Variants in PTPRD observed in about 807,000 individuals in gnomAD.
PTPRD encodes protein tyrosine phosphatase receptor type D, also known as receptor-type tyrosine-protein phosphatase delta.
A neutral mutation model predicts 214.5 loss-of-function variants in PTPRD; 34 were observed. That is an observed-to-expected ratio of 0.16 (90% CI 0.12 to 0.21). The LOEUF is 0.21. Ranked by LOEUF, PTPRD falls within the 10% of genes least tolerant of loss-of-function variation. The pLI is 1.00. For missense variants in PTPRD, 2,545 were observed against 2,398.7 expected (o/e 1.06, Z -1.27); for synonymous variants, 1,128 against 845.7 (o/e 1.33, Z -5.79).
chr9:9,014,821 T>C (rs2099527670), intron 11 of PTPRD, among the ~76,000 whole-genome samples: 1 of 152,156 alleles, frequency 6.6e-6, no homozygotes, highest in African/African-American at 2.4e-5. Context: ...CACTTAAGAC[T>C]CAATCATTTC....
At chr9:10,004,268 G>C (rs2096412403) in intron 4 of PTPRD, among the ~76,000 whole-genome samples, 3 of 151,854 alleles carry the variant, frequency 2.0e-5, no homozygotes. Context: ...GAGAATAAAA[G>C]CAATCATTAG....
chr9:9,596,107 G>A (rs939977993), intron 7 of PTPRD, among the ~76,000 whole-genome samples: 3 of 151,906 alleles, frequency 2.0e-5, no homozygotes, highest in Non-Finnish European at 2.9e-5. Flanking sequence ...GTACCCATAT[G>A]TGTGCAAAGG....
intron 11 of PTPRD, among the ~76,000 whole-genome samples, chr9:8,944,265 G>T (rs1175044672): frequency 2.0e-5 from 3 of 152,202 alleles, no homozygotes; most frequent in African/African-American, 7.2e-5. Context: ...ATGCTGGCGA[G>T]GATGTGGAGA....
At chr9:8,498,219 G>C (rs1208452644) in intron 25 of PTPRD, among the ~76,000 whole-genome samples, 1 of 152,016 alleles carries the variant, frequency 6.6e-6, no homozygotes, top group South Asian at 2.1e-4. Context: ...TAAGACTTTG[G>C]GGGTAAGTAC....
At chr9:8,551,878 T>C (rs2082203183) in intron 14 of PTPRD, among the ~76,000 whole-genome samples, 1 of 152,174 alleles carries the variant, frequency 6.6e-6, no homozygotes, top group Admixed American at 6.5e-5. Flanking sequence ...AGAAATGTGA[T>C]CCAGTCATCC....
chr9:9,410,228 C>T (rs754955130), intron 8 of PTPRD, among the ~76,000 whole-genome samples: 2 of 152,270 alleles, frequency 1.3e-5, no homozygotes, highest in East Asian at 1.9e-4. Flanking sequence ...TATGGTATTT[C>T]AGTAATGGGT....
chr9:10,179,574 G>T (rs759845279), intron 3 of PTPRD, among the ~76,000 whole-genome samples: 14 of 152,008 alleles, frequency 9.2e-5, no homozygotes, highest in Non-Finnish European at 1.5e-4. Flanking sequence ...AGGGAAGTAA[G>T]TGCATATTAA....
intron 2 of PTPRD, among the ~76,000 whole-genome samples, chr9:10,407,844 TG>T (rs1474612261): frequency 1.3e-5 from 2 of 151,610 alleles, no homozygotes; most frequent in African/African-American, 2.4e-5. Context: ...ATACTGCAAA[TG>T]TTTCAATTTT....
At chr9:10,511,261 C>A (rs565546608) in intron 2 of PTPRD, among the ~76,000 whole-genome samples, 1 of 152,222 alleles carries the variant, frequency 6.6e-6, no homozygotes, top group African/African-American at 2.4e-5. Context: ...GAATATGTTT[C>A]TAATTCTCTC....
chr9:10,530,974 G>C (rs573987714), intron 2 of PTPRD, among the ~76,000 whole-genome samples: 4 of 151,352 alleles, frequency 2.6e-5, no homozygotes, highest in African/African-American at 7.3e-5. Flanking sequence ...TTTTGAGACA[G>C]ATTCTTGCTC....
chr9:10,094,604 C>G (rs539386285), intron 3 of PTPRD, among the ~76,000 whole-genome samples: 10 of 147,964 alleles, frequency 6.8e-5, no homozygotes, highest in African/African-American at 2.2e-4. Context: ...ATCTTATTTC[C>G]CATTTCGGAC....
At chr9:8,778,725 G>A (rs2095580119) in intron 11 of PTPRD, among the ~76,000 whole-genome samples, 1 of 152,068 alleles carries the variant, frequency 6.6e-6, no homozygotes, top group Non-Finnish European at 1.5e-5. Context: ...AAACTAGGAG[G>A]CCATGGAGTG....
chr9:9,262,040 T>G (rs577422512), intron 9 of PTPRD, among the ~76,000 whole-genome samples: 1 of 151,876 alleles, frequency 6.6e-6, no homozygotes, highest in South Asian at 2.1e-4. Flanking sequence ...CAAAATATAT[T>G]AAATTCCTTT....
intron 35 of PTPRD, among the ~76,000 whole-genome samples, chr9:8,416,187 A>T (rs2131318908): frequency 6.6e-6 from 1 of 152,326 alleles, no homozygotes; most frequent in East Asian, 1.9e-4. Context: ...GAAGCTATTA[A>T]AATTGTTATG....
intron 31 of PTPRD, among the ~76,000 whole-genome samples, chr9:8,468,392 A>G (rs767314685): frequency 2.6e-5 from 4 of 152,028 alleles, no homozygotes; most frequent in Non-Finnish European, 2.9e-5. Context: ...CCTGCTCTGA[A>G]TTAAATATCA....
chr9:9,265,506 A>G (rs1938979646), intron 9 of PTPRD, among the ~76,000 whole-genome samples: 1 of 151,338 alleles, frequency 6.6e-6, no homozygotes, highest in Non-Finnish European at 1.5e-5. Context: ...TGATCCCTCT[A>G]TGTTGGCCTC....
rs1240362738 is a variant in PTPRD, at chr9:8,594,863, T to C, written c.352+38454A>G. Among the ~76,000 whole-genome samples the C allele has an allele frequency of 5.2e-4, 75 of 144,048 alleles. 1 individual carries two copies. The highest frequency in any genetic ancestry group is 9.1e-4 in the South Asian group (4 of 4,386). The allele number at this position is 144,048 out of a possible 152,430, so 94.5% of individuals were successfully genotyped here. A position where few individuals can be genotyped will look rare whatever the true frequency, so the allele number is the denominator to read the frequency against. On this transcript the variant is annotated intron_variant, in intron 14 of 45. Coordinates refer to ENST00000381196, the MANE Select transcript of PTPRD (RefSeq NM_002839.4). ...TGAAATCATATATGTTTAACCCCTT[T>C]TTTTTTTTTTTTTTTTTGGGACAGA...
chr9:9,829,707 C>A (rs1011587241), intron 5 of PTPRD, among the ~76,000 whole-genome samples: 1 of 151,766 alleles, frequency 6.6e-6, no homozygotes, highest in African/African-American at 2.4e-5. Context: ...CTGCAGATTA[C>A]AATTCTTTAT....
intron 2 of PTPRD, among the ~76,000 whole-genome samples, chr9:10,482,159 C>T (rs1240224690): frequency 6.6e-6 from 1 of 152,070 alleles, no homozygotes; most frequent in Non-Finnish European, 1.5e-5. Context: ...ATCACGAGGT[C>T]AGGAGATTGA....
Sources: gnomAD v4.1 joint callset for allele counts (sites outside exome capture counted in the v4.1 genomes callset) on GRCh38, gnomAD v4.1.1 for gene constraint, MANE v1.5 for transcripts, NCBI Gene and HGNC (gene_info 2026-07-23, HGNC 2026-07-21) for gene names.